Variants in PCDH15 observed in about 807,000 individuals in gnomAD.
The protein encoded by PCDH15 is protocadherin-15.
A neutral mutation model predicts 178.5 loss-of-function variants in PCDH15; 129 were observed. The observed-to-expected ratio is 0.72, with a 90% CI of 0.63 to 0.84. The LOEUF is 0.84. Ranked by LOEUF, PCDH15 falls within the 40% of genes least tolerant of loss-of-function variation. PCDH15 has a pLI of 0.00. For missense variants in PCDH15, 2,230 were observed against 2,099.9 expected, an observed-to-expected ratio of 1.06 and a Z score of -1.21; for synonymous variants, 800 against 732.0, an observed-to-expected ratio of 1.09 and a Z score of -1.50.
chr10:54,954,629 T>C (rs2131877976), intron 2 of PCDH15, among the ~76,000 whole-genome samples: 1 of 151,460 alleles, frequency 6.6e-6, no homozygotes, highest in Middle Eastern at 3.4e-3. Flanking sequence ...TGTTTTGCCC[T>C]GAAATCCTCC....
chr10:54,584,129 G>A (rs563827592), intron 2 of PCDH15, among the ~76,000 whole-genome samples: 6 of 152,150 alleles, frequency 3.9e-5, no homozygotes, highest in African/African-American at 1.4e-4. Flanking sequence ...GCTCAAGCTT[G>A]TAATCCCAAA....
intron 2 of PCDH15, among the ~76,000 whole-genome samples, chr10:55,555,009 G>A (rs1842064313): frequency 6.6e-6 from 1 of 152,072 alleles, no homozygotes; most frequent in African/African-American, 2.4e-5. Flanking sequence ...TTAATTAGAA[G>A]ATATCAATTA....
At chr10:55,076,764 CTTTTT>C (rs902966495) in intron 2 of PCDH15, among the ~76,000 whole-genome samples, 2 of 106,778 alleles carry the variant, frequency 1.9e-5, no homozygotes, top group African/African-American at 3.8e-5. Context: ...GGCCTGTGAC[CTTTTT>C]TTTTTTTTTT....
At chr10:54,547,373 CTG>C (rs1265924946) in intron 2 of PCDH15, among the ~76,000 whole-genome samples, 3 of 152,054 alleles carry the variant, frequency 2.0e-5, no homozygotes, top group African/African-American at 7.2e-5. Context: ...AATAGAGTAT[CTG>C]ATATATTTGT....
chr10:54,777,026 T>C (rs766385501), intron 1 of PCDH15, among the ~76,000 whole-genome samples: 13 of 152,358 alleles, frequency 8.5e-5, no homozygotes, highest in South Asian at 2.1e-4. Context: ...CTCTTCTCAT[T>C]ATTTTTACTC....
At chr10:55,028,394 G>A (rs980629342) in intron 2 of PCDH15, among the ~76,000 whole-genome samples, 5 of 151,900 alleles carry the variant, frequency 3.3e-5, no homozygotes, top group South Asian at 2.1e-4. Context: ...TCAACGACAC[G>A]TCTAAAACTA....
chr10:54,639,637 T>C (rs917288024), intron 2 of PCDH15, among the ~76,000 whole-genome samples: 7 of 152,160 alleles, frequency 4.6e-5, no homozygotes, highest in Admixed American at 4.6e-4. Flanking sequence ...CATTGAGTTG[T>C]TTATAATAGT....
chr10:55,048,335 A>G (rs1841066003), intron 2 of PCDH15, among the ~76,000 whole-genome samples: 1 of 151,946 alleles, frequency 6.6e-6, no homozygotes, highest in South Asian at 2.1e-4. Context: ...GACTAAACAT[A>G]TGGTCCAATG....
intron 28 of PCDH15, among the ~76,000 whole-genome samples, chr10:53,855,918 A>G (rs974552662): frequency 3.6e-5 from 5 of 139,532 alleles, no homozygotes; most frequent in Admixed American, 1.5e-4. Context: ...ATATATATAT[A>G]TATGTATGTG....
At chr10:54,747,900 G>T (rs1185328783) in intron 1 of PCDH15, among the ~76,000 whole-genome samples, 1 of 150,222 alleles carries the variant, frequency 6.7e-6, no homozygotes, top group East Asian at 2.0e-4. Flanking sequence ...CCGCCTCCAG[G>T]GTTCACGCCA....
intron 6 of PCDH15, among the ~76,000 whole-genome samples, chr10:54,343,296 T>A (rs1182166554): frequency 6.6e-6 from 1 of 152,050 alleles, no homozygotes; most frequent in East Asian, 1.9e-4. Context: ...GTGAGGGCAT[T>A]CTCATGAGGT....
chr10:54,657,124 C>T (rs2094420053), intron 2 of PCDH15, among the ~76,000 whole-genome samples: 1 of 152,196 alleles, frequency 6.6e-6, no homozygotes. Flanking sequence ...GCCCTGAGCC[C>T]ATTTTGTTGG....
chr10:54,981,004 C>T (rs555177915), intron 2 of PCDH15, among the ~76,000 whole-genome samples: 1 of 151,988 alleles, frequency 6.6e-6, no homozygotes, highest in Admixed American at 6.6e-5. Flanking sequence ...ATTTGGGCCA[C>T]TTTGAAATGT....
chr10:55,007,651 G>C (rs999467891), intron 2 of PCDH15, among the ~76,000 whole-genome samples: 11 of 151,946 alleles, frequency 7.2e-5, no homozygotes, highest in African/African-American at 2.2e-4. Context: ...TTCTTAGTTT[G>C]AATGTTGTTT....
intron 5 of PCDH15, among the ~76,000 whole-genome samples, chr10:54,368,610 A>T (rs995461530): frequency 4.6e-5 from 7 of 151,988 alleles, no homozygotes; most frequent in African/African-American, 1.7e-4. Context: ...TTTAAATATA[A>T]TTTTTCTAAT....
At chr10:54,421,693 TACAC>T (rs1335935955) in intron 3 of PCDH15, among the ~76,000 whole-genome samples, 8,050 of 115,760 alleles carry the variant, frequency 0.07, 1,201 homozygotes, top group African/African-American at 0.26. Context: ...TATATATATA[TACAC>T]ACACACACAC....
chr10:54,513,603 AAG>A (rs1480340044), intron 3 of PCDH15, among the ~76,000 whole-genome samples: 1 of 152,244 alleles, frequency 6.6e-6, no homozygotes, highest in African/African-American at 2.4e-5. Context: ...TGAAATTAAA[AAG>A]AATCACACTA....
Position 53,940,974 on chromosome 10 carries a change from G to A in PCDH15, c.3124C>T (p.Pro1042Ser). 1 of 1,596,854 alleles carries A rather than the reference G, an allele frequency of 6.3e-7. No homozygotes were observed. Among genetic ancestry groups the A allele is most frequent in the African/African-American group, 1.3e-5 (1 of 74,640 alleles). The change falls in exon 24 of 38, where the codon CCT (proline) becomes TCT (serine). Residue 1042 changes from proline to serine, a missense_variant and splice_region_variant. Pro to Ser is a moderately conservative substitution (Grantham distance 74). Coordinates refer to ENST00000644397, the MANE Select transcript of PCDH15 (RefSeq NM_001384140.1). ...GTGGCAAGTTCACTTACTGGAGGAGGTCTGCAGGTTTAGAGAAGATGATGT... is the reference window on the plus strand; with the variant it reads ...GTGGCAAGTTCACTTACTGGAGGAGATCTGCAGGTTTAGAGAAGATGATGT... ...IPRFTQEEYR[P>S]PPVSELATKG... is the part of the protein sequence containing the mutation.
At chr10:54,215,487 T>C (rs1456227914) in intron 9 of PCDH15, among the ~76,000 whole-genome samples, 3 of 152,210 alleles carry the variant, frequency 2.0e-5, no homozygotes, top group African/African-American at 4.8e-5. Flanking sequence ...TAGAGTTTCA[T>C]ACATTCTTCA....
Sources: allele counts gnomAD v4.1 joint callset (sites outside exome capture counted in the v4.1 genomes callset), GRCh38; gene constraint gnomAD v4.1.1; transcripts MANE v1.5; gene names NCBI Gene and HGNC (gene_info 2026-07-23, HGNC 2026-07-21).